The following ANKRD31 variants were observed in gnomAD, a reference collection of about 807,000 sequenced individuals.
ANKRD31 encodes the protein ankyrin repeat domain 31.
Under a neutral mutation model 186.0 loss-of-function variants are expected in ANKRD31, and 147 were observed. That is an observed-to-expected ratio of 0.79 (90% CI 0.69 to 0.91). ANKRD31 has a LOEUF of 0.91. ANKRD31 is among the 40% of genes least tolerant of loss of function. ANKRD31 has a pLI of 0.00. For synonymous variants in ANKRD31, 673 were observed against 736.4 expected (o/e 0.91, Z 1.39); for missense variants, 1,986 against 2,148.8 (o/e 0.92, Z 1.50).
At chr5:75,139,116 C>T (rs1750822173) in intron 15 of ANKRD31, 133 bp from the exon 16 acceptor site, 1 of 1,010,348 alleles carries the variant, frequency 9.9e-7, no homozygotes. Context: ...GTTATCATTG[C>T]TGTTATTGTT....
intron 10 of ANKRD31, among the ~76,000 whole-genome samples, chr5:75,184,109 C>T (rs1179284090): frequency 6.6e-6 from 1 of 152,062 alleles, no homozygotes; most frequent in Non-Finnish European, 1.5e-5. Context: ...CATCTACAGC[C>T]AACTGCTTTT....
intron 25 of ANKRD31, among the ~76,000 whole-genome samples, chr5:75,077,988 A>T (rs970780666): frequency 7.2e-5 from 11 of 152,000 alleles, no homozygotes; most frequent in Non-Finnish European, 1.5e-4. Context: ...ATGTATACAA[A>T]ATAACATAGC....
At chr5:75,093,224 C>A (rs1424365518) in intron 22 of ANKRD31, among the ~76,000 whole-genome samples, 1 of 152,100 alleles carries the variant, frequency 6.6e-6, no homozygotes, top group Non-Finnish European at 1.5e-5. Flanking sequence ...CTCACACCTG[C>A]AATTCCAGCA....
intron 25 of ANKRD31, among the ~76,000 whole-genome samples, chr5:75,072,188 T>G (rs1744289732): frequency 6.6e-6 from 1 of 152,250 alleles, no homozygotes; most frequent in Admixed American, 6.5e-5. Flanking sequence ...GTTTTTCTCC[T>G]CATTAACAAT....
chr5:75,157,966 T>C (rs1006598216), intron 11 of ANKRD31, among the ~76,000 whole-genome samples: 1 of 152,010 alleles, frequency 6.6e-6, no homozygotes, highest in African/African-American at 2.4e-5. Flanking sequence ...GAGTAACAGA[T>C]GGCTGTGATA....
At chr5:75,100,576 C>G (rs1247882339) in intron 22 of ANKRD31, among the ~76,000 whole-genome samples, 2 of 152,060 alleles carry the variant, frequency 1.3e-5, no homozygotes, top group Non-Finnish European at 2.9e-5. Flanking sequence ...TTGTAGGTCT[C>G]TAAGGACTTG....
intron 16 of ANKRD31, 135 bp from the exon 17 acceptor site, chr5:75,138,133 A>C: frequency 1.3e-6 from 1 of 762,316 alleles, no homozygotes; most frequent in East Asian, 3.2e-5. Context: ...GTATTGAACA[A>C]GAAATAATAC....
chr5:75,192,677 T>G lies in ANKRD31; in HGVS notation c.1398A>C (p.Ser466=). ...GKQIRKNEQF[S]GKKEKMKVNK... ...CAAAATATGCATCACCTTTTTTTCC[T>G]GAAAATTGTTCATTTTTCCTGATCT... Residue 466 remains serine (S), a synonymous_variant, in exon 9 of 26, where the codon TCA becomes TCC. Transcript: ENST00000506364. 3 of 1,529,360 alleles carry G rather than the reference T, an allele frequency of 2.0e-6. No individual in the cohort carries two copies. The highest frequency in any genetic ancestry group is 2.6e-6 in the Non-Finnish European group (3 of 1,141,934). The allele number at this position is 1,529,360 out of a possible 1,614,324, so 94.7% of individuals were successfully genotyped here.
At chr5:75,168,727 A>G (rs550684611) in intron 11 of ANKRD31, among the ~76,000 whole-genome samples, 1 of 106,042 alleles carries the variant, frequency 9.4e-6, no homozygotes, top group African/African-American at 7.5e-5. Flanking sequence ...TTTAAAGGAA[A>G]ACAAGTTGAA....
intron 15 of ANKRD31, among the ~76,000 whole-genome samples, chr5:75,140,101 G>C (rs1043302338): frequency 6.6e-6 from 1 of 151,976 alleles, no homozygotes; most frequent in Admixed American, 6.6e-5. Context: ...CTACTCTGGA[G>C]ACTGAGGGAG....
At chr5:75,077,769 C>CA (rs1744767698) in intron 25 of ANKRD31, among the ~76,000 whole-genome samples, 1 of 151,576 alleles carries the variant, frequency 6.6e-6, no homozygotes, top group East Asian at 1.9e-4. Flanking sequence ...ACTAAAAATA[C>CA]GAAAAATTAG....
intron 17 of ANKRD31, among the ~76,000 whole-genome samples, chr5:75,118,671 G>C (rs1196719939): frequency 1.3e-5 from 2 of 152,140 alleles, no homozygotes; most frequent in African/African-American, 2.4e-5. Context: ...TTGAGCATTT[G>C]AAATGTGGCT....
At chr5:75,142,671 T>C (rs1017038902) in intron 15 of ANKRD31, among the ~76,000 whole-genome samples, 34 of 152,248 alleles carry the variant, frequency 2.2e-4, no homozygotes, top group African/African-American at 8.2e-4. Flanking sequence ...TGAGGAAAAC[T>C]AAAATCCTAA....
At chr5:75,077,369 C>T (rs1394611250) in intron 25 of ANKRD31, among the ~76,000 whole-genome samples, 5 of 152,028 alleles carry the variant, frequency 3.3e-5, no homozygotes, top group African/African-American at 9.7e-5. Flanking sequence ...CTGCACCTGG[C>T]CTAAATTAAT....
At position 75,144,007 on chromosome 5, in the gene ANKRD31, T is replaced by C. The variant is rs1751242517; in HGVS notation, c.3589A>G (p.Asn1197Asp). The C allele has an allele frequency of 2.5e-6, 1 of 397,138 alleles. No homozygotes were observed. Among genetic ancestry groups the C allele is most frequent in the African/African-American group, 2.1e-5 (1 of 48,556 alleles). 24.6% of individuals were successfully genotyped at this position (397,138 alleles called of 1,614,324 possible). The change falls in exon 15 of 26, where the codon AAC becomes GAC. Residue 1197 changes from asparagine (N) to aspartate (D), a missense_variant. Transcript: ENST00000506364. ...CAATTATAGGAATACAAACCTAGGT[T>C]GCAGGTAGTTTTTAAGAAACTTTGT... ...KRQSFLKTTC[N>D]LGMKAGRINK...
At chr5:75,191,544 T>C (rs1755114037) in intron 9 of ANKRD31, among the ~76,000 whole-genome samples, 1 of 152,060 alleles carries the variant, frequency 6.6e-6, no homozygotes, top group Non-Finnish European at 1.5e-5. Context: ...ATAGCTACTC[T>C]CTATCACTGT....
chr5:75,218,009 A>C (rs1350711149), intron 3 of ANKRD31, among the ~76,000 whole-genome samples: 1 of 152,060 alleles, frequency 6.6e-6, no homozygotes, highest in Admixed American at 6.6e-5. Context: ...TCTCAAATTA[A>C]CAACTAAACA....
At chr5:75,143,715 G>A (rs1027024335) in intron 15 of ANKRD31, among the ~76,000 whole-genome samples, 1 of 152,046 alleles carries the variant, frequency 6.6e-6, no homozygotes, top group African/African-American at 2.4e-5. Flanking sequence ...TACATTTCAC[G>A]CCTGCTGTCC....
chr5:75,095,442 C>G (rs1052502320), intron 22 of ANKRD31, among the ~76,000 whole-genome samples: 2 of 151,442 alleles, frequency 1.3e-5, no homozygotes, highest in Non-Finnish European at 2.9e-5. Flanking sequence ...CTACTGCACT[C>G]CAGTCTGGGC....
Sources: allele counts gnomAD v4.1 joint callset (sites outside exome capture counted in the v4.1 genomes callset), GRCh38; gene constraint gnomAD v4.1.1; transcripts MANE v1.5; gene names NCBI Gene and HGNC (gene_info 2026-07-23, HGNC 2026-07-21).